The following TRERF1 variants were observed in gnomAD, a reference collection of about 807,000 sequenced individuals.
TRERF1 encodes transcriptional-regulating factor 1.
In TRERF1, 27 loss-of-function variants were observed where a neutral mutation model predicts 122.9. The observed-to-expected ratio is 0.22, with a 90% confidence interval of 0.16 to 0.30. The LOEUF (loss-of-function observed/expected upper bound fraction) is 0.30, where lower values mean the gene tolerates loss of function less well. Among genes scored for constraint, TRERF1 ranks in the 10% least tolerant of loss-of-function variants. TRERF1 has a pLI of 1.00. For missense variants in TRERF1, 1,248 were observed against 1,560.3 expected (o/e 0.80, Z 3.37); for synonymous variants, 636 against 641.7 (o/e 0.99, Z 0.13).
chr6:42,325,623 C>T (rs1329019629), intron 3 of TRERF1, among the ~76,000 whole-genome samples: 1 of 152,160 alleles, frequency 6.6e-6, no homozygotes, highest in African/African-American at 2.4e-5. Context: ...CCTGTAATCC[C>T]AGCACTTTGG....
At chr6:42,405,977 G>T (rs905020602) in intron 2 of TRERF1, among the ~76,000 whole-genome samples, 1 of 152,066 alleles carries the variant, frequency 6.6e-6, no homozygotes, top group Non-Finnish European at 1.5e-5. Context: ...TTTCCAAGGG[G>T]CAAGAATCCT....
intron 4 of TRERF1, among the ~76,000 whole-genome samples, chr6:42,270,407 G>A (rs1780009848): frequency 1.3e-5 from 2 of 152,144 alleles, no homozygotes; most frequent in African/African-American, 2.4e-5. Flanking sequence ...ATTCTTCTGA[G>A]ACCCTGCTAT....
At chr6:42,339,959 G>A (rs971904626) in intron 3 of TRERF1, among the ~76,000 whole-genome samples, 1 of 152,040 alleles carries the variant, frequency 6.6e-6, no homozygotes, top group Admixed American at 6.6e-5. Flanking sequence ...TGTTTTCTGC[G>A]ACCATCAACA....
intron 2 of TRERF1, among the ~76,000 whole-genome samples, chr6:42,437,374 C>CA (rs1257127101): frequency 1.3e-5 from 2 of 152,314 alleles, no homozygotes; most frequent in Non-Finnish European, 2.9e-5. Context: ...CCCACCCTCA[C>CA]AGAGTTTCAC....
chr6:42,399,634 T>C (rs942788307), intron 2 of TRERF1, among the ~76,000 whole-genome samples: 3 of 152,198 alleles, frequency 2.0e-5, no homozygotes, highest in South Asian at 2.1e-4. Flanking sequence ...TTTTAAGACT[T>C]TGGAAAAGTC....
chr6:42,288,216 GGT>G (rs1401950570), intron 4 of TRERF1, among the ~76,000 whole-genome samples: 1 of 151,968 alleles, frequency 6.6e-6, no homozygotes, highest in Non-Finnish European at 1.5e-5. Context: ...TTGCAGTCTG[GGT>G]GTGTGCATGT....
At chr6:42,421,268 A>C (rs1265717995) in intron 2 of TRERF1, among the ~76,000 whole-genome samples, 2 of 152,204 alleles carry the variant, frequency 1.3e-5, no homozygotes, top group Non-Finnish European at 2.9e-5. Context: ...AGCTTGGAAC[A>C]ATGGCTTTCA....
At chr6:42,306,701 G>T (rs1255892433) in intron 3 of TRERF1, among the ~76,000 whole-genome samples, 1 of 152,214 alleles carries the variant, frequency 6.6e-6, no homozygotes, top group Non-Finnish European at 1.5e-5. Context: ...CCTTTTCCCA[G>T]CTCTCCTCTC....
rs1478401724 is a variant in TRERF1 at position 42,275,343 on chromosome 6, G to T, written c.-258-5495C>A. The stretch of plus-strand genomic sequence containing the variant: ...GAACTGCTACCTTCCCATTTCTTCG[G>T]TCAATTTCTTCCTTAGAGCAGGACT... On this transcript the variant is annotated intron_variant, in intron 4 of 17. Transcript: ENST00000372922. The surrounding 1 kb of genome is among the most constrained non-coding windows in gnomAD (Gnocchi z 4.1). 6.6e-6 allele frequency among the ~76,000 whole-genome samples: 1 copy of T among 152,112 alleles called. No individual in the cohort carries two copies. Among genetic ancestry groups the T allele is most frequent in the Non-Finnish European group, 1.5e-5 (1 of 68,030 alleles).
At chr6:42,367,524 C>G (rs957514388) in intron 2 of TRERF1, among the ~76,000 whole-genome samples, 1 of 152,194 alleles carries the variant, frequency 6.6e-6, no homozygotes, top group African/African-American at 2.4e-5. Flanking sequence ...TCCGGCCCTG[C>G]TGGGGGCTCT....
At chr6:42,359,178 C>T (rs1006484601) in intron 3 of TRERF1, among the ~76,000 whole-genome samples, 1 of 152,190 alleles carries the variant, frequency 6.6e-6, no homozygotes, top group Non-Finnish European at 1.5e-5. Context: ...AATCAAGATG[C>T]TTGACCCTCC....
intron 2 of TRERF1, among the ~76,000 whole-genome samples, chr6:42,367,291 C>T (rs1057117544): frequency 6.6e-6 from 1 of 152,138 alleles, no homozygotes; most frequent in African/African-American, 2.4e-5. Context: ...GAGCATTTCC[C>T]AGCAAGAAGG....
At chr6:42,429,810 G>A (rs1784211346) in intron 2 of TRERF1, among the ~76,000 whole-genome samples, 1 of 152,108 alleles carries the variant, frequency 6.6e-6, no homozygotes, top group African/African-American at 2.4e-5. Flanking sequence ...TACAGAGGAC[G>A]GGAACAGGCT....
At chr6:42,328,098 C>T (rs544571806) in intron 3 of TRERF1, among the ~76,000 whole-genome samples, 8 of 151,002 alleles carry the variant, frequency 5.3e-5, no homozygotes, top group South Asian at 2.1e-4. Context: ...CTCCGCCTCC[C>T]GGGTTCAGGC....
intron 3 of TRERF1, among the ~76,000 whole-genome samples, chr6:42,305,245 A>T (rs1489111684): frequency 6.6e-6 from 1 of 152,124 alleles, no homozygotes; most frequent in Non-Finnish European, 1.5e-5. Context: ...CAGGGGTAGA[A>T]ATCTTATCTC....
chr6:42,347,969 A>G (rs1370809751), intron 3 of TRERF1, among the ~76,000 whole-genome samples: 1 of 152,248 alleles, frequency 6.6e-6, no homozygotes, highest in African/African-American at 2.4e-5. Flanking sequence ...AGGTGAATGT[A>G]TAGTTATTAC....
Position 42,275,153 on chromosome 6 carries a change from GTTC to G in TRERF1, c.-258-5308_-258-5306del, listed in dbSNP as rs1780941187. Among the ~76,000 whole-genome samples, 3 of 152,186 alleles carry G rather than the reference GTTC, an allele frequency of 2.0e-5. No homozygotes were observed. Among genetic ancestry groups the G allele is most frequent in the Admixed American group, 1.3e-4 (2 of 15,284 alleles). On this transcript the variant is annotated intron_variant, in intron 4 of 17. Transcript: ENST00000372922. The surrounding 1 kb of genome is among the most constrained non-coding windows in gnomAD (Gnocchi z 4.1). ...ACATATCATTTAAAACCTGAAAACT[GTTC>G]TTCTTAGTGGATTAGTCAATCTCAC... is the stretch of plus-strand genomic sequence containing the variant.
At chr6:42,287,849 C>A (rs1237813219) in intron 4 of TRERF1, among the ~76,000 whole-genome samples, 2 of 152,120 alleles carry the variant, frequency 1.3e-5, no homozygotes, top group Non-Finnish European at 2.9e-5. Flanking sequence ...TCCAATGCTC[C>A]CTCTGCCAAC....
intron 5 of TRERF1, among the ~76,000 whole-genome samples, chr6:42,266,540 C>T (rs1779231687): frequency 6.6e-6 from 1 of 152,308 alleles, no homozygotes; most frequent in East Asian, 1.9e-4. Flanking sequence ...CTTATATTTA[C>T]AAAGGCTCTC....
Sources: gnomAD v4.1 joint callset for allele counts (sites outside exome capture counted in the v4.1 genomes callset) on GRCh38, gnomAD v4.1.1 for gene constraint, Gnocchi (gnomAD v3.1) non-coding constraint, MANE v1.5 for transcripts, NCBI Gene and HGNC (gene_info 2026-07-23, HGNC 2026-07-21) for gene names.